Variants in CNTN4 observed in about 807,000 individuals in gnomAD.
CNTN4 encodes contactin 4, also known as contactin-4.
CNTN4 carries 77 observed loss-of-function variants against 122.5 expected under a neutral mutation model. The ratio of observed to expected loss-of-function variants is 0.63; its 90% CI spans 0.52 to 0.76. The LOEUF (loss-of-function observed/expected upper bound fraction) is 0.76. Among genes scored for constraint, CNTN4 ranks in the 30% least tolerant of loss-of-function variants. CNTN4 has a pLI of 0.00. For synonymous variants in CNTN4, 512 were observed against 447.0 expected (o/e 1.15, Z -1.83); for missense variants, 1,256 against 1,259.1 (o/e 1.00, Z 0.04).
intron 3 of CNTN4, among the ~76,000 whole-genome samples, chr3:2,502,067 T>A (rs965727314): frequency 6.6e-6 from 1 of 152,188 alleles, no homozygotes; most frequent in Non-Finnish European, 1.5e-5. Flanking sequence ...ATTATGTATA[T>A]GCAAATATTC....
intron 2 of CNTN4, among the ~76,000 whole-genome samples, chr3:2,216,675 T>C (rs1172224018): frequency 1.3e-5 from 2 of 152,190 alleles, no homozygotes; most frequent in African/African-American, 4.8e-5. Context: ...TTTCATAGTG[T>C]GTGTTACTTT....
chr3:3,038,514 G>A lies in CNTN4; in HGVS notation c.2093-419G>A, dbSNP rs1032533640. Among the ~76,000 whole-genome samples the A allele has an allele frequency of 2.0e-5, 3 of 152,114 alleles. No individual in the cohort carries two copies. The South Asian group carries it at 6.2e-4, about 32-fold the overall frequency. ...CGACCTTGCTCTAACTGGTGCAGGCGCTCCTCCACTCCAACCAGCTTGTAA... is the reference window on the plus strand; with the variant it reads ...CGACCTTGCTCTAACTGGTGCAGGCACTCCTCCACTCCAACCAGCTTGTAA... On this transcript the variant is annotated intron_variant, in intron 18 of 24. Coordinates refer to ENST00000418658, the MANE Select transcript of CNTN4 (RefSeq NM_175607.3).
At chr3:2,456,175 T>G (rs1456970409) in intron 3 of CNTN4, among the ~76,000 whole-genome samples, 1 of 151,990 alleles carries the variant, frequency 6.6e-6, no homozygotes, top group Non-Finnish European at 1.5e-5. Context: ...CTCATGATCT[T>G]TTACCATACA....
chr3:2,614,817 C>G (rs952365515), intron 4 of CNTN4, among the ~76,000 whole-genome samples: 1 of 151,936 alleles, frequency 6.6e-6, no homozygotes, highest in African/African-American at 2.4e-5. Context: ...CAGGAAGAGA[C>G]TAGGCCTGGA....
At chr3:2,468,953 T>C (rs2075596064) in intron 3 of CNTN4, among the ~76,000 whole-genome samples, 1 of 152,160 alleles carries the variant, frequency 6.6e-6, no homozygotes, top group Non-Finnish European at 1.5e-5. Flanking sequence ...TTCCTAGCTT[T>C]AAGGTGTCAA....
rs2075580682 is a variant in CNTN4 at position 2,468,512 on chromosome 3, T to TA, written c.-88-102903dup. 6.6e-5 allele frequency among the ~76,000 whole-genome samples: 10 copies of TA among 152,304 alleles called. 1 individual carries two copies. In the South Asian group the frequency reaches 1.9e-3, roughly 28 times the overall value. ...ATTACATTTCAGAAATGCAGAGTCT[T>TA]ACGGTAGGCTGTTGTGTCTGGGATC... On this transcript the variant is annotated intron_variant, in intron 3 of 24. Coordinates refer to ENST00000418658, the MANE Select transcript of CNTN4 (RefSeq NM_175607.3).
At chr3:2,278,264 A>T (rs1004318425) in intron 2 of CNTN4, among the ~76,000 whole-genome samples, 13 of 152,226 alleles carry the variant, frequency 8.5e-5, no homozygotes, top group Admixed American at 1.3e-4. Context: ...ACAGTACAAA[A>T]TACTAAAAAA....
At chr3:2,225,764 CAGCT>C (rs1176096160) in intron 2 of CNTN4, among the ~76,000 whole-genome samples, 11 of 152,202 alleles carry the variant, frequency 7.2e-5, no homozygotes, top group Non-Finnish European at 1.2e-4. Flanking sequence ...CCTTTGCCAT[CAGCT>C]AGCTCACATC....
At chr3:2,646,814 GT>G (rs2083144348) in intron 4 of CNTN4, among the ~76,000 whole-genome samples, 1 of 152,106 alleles carries the variant, frequency 6.6e-6, no homozygotes, top group Non-Finnish European at 1.5e-5. Flanking sequence ...TCCTCTGACT[GT>G]ATCCAAATTT....
chr3:3,038,910 T>A, intron 18 of CNTN4, 23 bp from the exon 19 acceptor site: 1 of 1,612,466 alleles, frequency 6.2e-7, no homozygotes, highest in Non-Finnish European at 8.5e-7. Flanking sequence ...CTGACATAAC[T>A]TGTTTTTTGT....
chr3:2,536,557 T>C (rs2077814648), intron 3 of CNTN4, among the ~76,000 whole-genome samples: 14 of 151,968 alleles, frequency 9.2e-5, no homozygotes, highest in Admixed American at 7.9e-4. Flanking sequence ...TACACTGAAA[T>C]TGAGCCCTGA....
In CNTN4 at chr3:3,034,624, T is replaced by C; in HGVS notation, c.1784-8T>C. The C allele has an allele frequency of 6.2e-7, 1 of 1,614,126 alleles. No individual in the cohort carries two copies. Among genetic ancestry groups the C allele is most frequent in the Middle Eastern group, 1.7e-4 (1 of 6,060 alleles). On this transcript the variant is annotated splice_region_variant and splice_polypyrimidine_tract_variant and intron_variant, in intron 16 of 24. Transcript: ENST00000418658. ...TGCTCCAATTCTGGGGGTCTTGCTCTTTCCCAGGTCCTCCAGGTCCCCCAG... is the reference window on the plus strand; with the variant it reads ...TGCTCCAATTCTGGGGGTCTTGCTCCTTCCCAGGTCCTCCAGGTCCCCCAG...
chr3:2,767,737 C>T (rs761757187), intron 6 of CNTN4, among the ~76,000 whole-genome samples: 5 of 152,108 alleles, frequency 3.3e-5, no homozygotes, highest in African/African-American at 7.2e-5. Context: ...TCACGTCTTA[C>T]GATAATAAGA....
At position 2,257,923 on chromosome 3, in the gene CNTN4, C is replaced by T. The variant is rs915880938; in HGVS notation, c.-144-81255C>T. Among the ~76,000 whole-genome samples, 51 of 152,026 alleles carry T rather than the reference C, an allele frequency of 3.4e-4. 1 individual carries two copies. The highest frequency in any genetic ancestry group is 1.1e-3 in the African/African-American group (45 of 41,394). ...ACTAAAAATACAAAAATTAGCCAGG[C>T]GTGGTGGTGCACGTCTGTAATCCCA... On this transcript the variant is annotated intron_variant, in intron 2 of 24. Coordinates refer to ENST00000418658, the MANE Select transcript of CNTN4 (RefSeq NM_175607.3).
chr3:2,217,761 A>T (rs2038907346), intron 2 of CNTN4, among the ~76,000 whole-genome samples: 1 of 152,236 alleles, frequency 6.6e-6, no homozygotes, highest in African/African-American at 2.4e-5. Context: ...GGAAAAATAC[A>T]GCAATGCAAA....
chr3:3,042,878 C>G, intron 21 of CNTN4, 99 bp from the exon 22 acceptor site: 1 of 945,534 alleles, frequency 1.1e-6, no homozygotes. Context: ...GTATAGAAAA[C>G]TAACTCCATC....
chr3:2,381,287 T>G (rs1379130818), intron 3 of CNTN4, among the ~76,000 whole-genome samples: 2 of 152,210 alleles, frequency 1.3e-5, no homozygotes, highest in Admixed American at 1.3e-4. Flanking sequence ...ATTACAGGCG[T>G]GAGCCACTGC....
chr3:2,126,061 A>C (rs2034142208), intron 2 of CNTN4, among the ~76,000 whole-genome samples: 1 of 152,164 alleles, frequency 6.6e-6, no homozygotes, highest in African/African-American at 2.4e-5. Flanking sequence ...CTTCATTGCA[A>C]GCATCCATTG....
chr3:2,768,881 C>G (rs191568764), intron 6 of CNTN4, among the ~76,000 whole-genome samples: 1 of 152,244 alleles, frequency 6.6e-6, no homozygotes, highest in East Asian at 1.9e-4. Context: ...GAATGTGAAG[C>G]TCAGAAATAG....
Sources: allele counts gnomAD v4.1 joint callset (sites outside exome capture counted in the v4.1 genomes callset), GRCh38; gene constraint gnomAD v4.1.1; transcripts MANE v1.5; gene names NCBI Gene and HGNC (gene_info 2026-07-23, HGNC 2026-07-21).